The following BGN variants were observed in gnomAD, a reference collection of about 807,000 sequenced individuals.
The protein encoded by BGN is bone/cartilage proteoglycan-I.
Under a neutral mutation model 20.0 loss-of-function variants are expected in BGN, and 6 were observed. The observed-to-expected ratio is 0.30, with a 90% CI of 0.16 to 0.59. BGN has a LOEUF of 0.59. BGN is among the 20% of genes least tolerant of loss of function. BGN has a pLI of 0.88. For missense variants in BGN, 292 were observed against 312.1 expected (o/e 0.94, Z 0.49); for synonymous variants, 146 against 134.6 (o/e 1.08, Z -0.59).
In BGN at chrX:153,504,702, T is replaced by G; in HGVS notation, c.71T>G (p.Phe24Cys). 1 of 1,211,955 alleles carries G rather than the reference T, an allele frequency of 8.3e-7. No homozygotes were observed. The highest frequency in any genetic ancestry group is 1.1e-6 in the Non-Finnish European group (1 of 895,510). ...GCCCTGCCCTTTGAGCAGAGAGGCT[T>G]CTGGGACTTCACCCTGGACGATGGG... ...SQALPFEQRG[F>C]WDFTLDDGPF... The change falls in exon 2 of 8, where the codon TTC (phenylalanine) becomes TGC (cysteine). Residue 24 changes from phenylalanine to cysteine, a missense_variant. Phe to Cys is a radical substitution (Grantham distance 205). Coordinates refer to ENST00000331595, the MANE Select transcript of BGN (RefSeq NM_001711.6).
chrX:153,499,875 AGAGGGGAGGGGAGGAAG>A (rs2089744444), intron 1 of BGN, among the ~76,000 whole-genome samples: 1 of 113,124 alleles, frequency 8.8e-6, no homozygotes, highest in Non-Finnish European at 1.9e-5. Flanking sequence ...TTTGGAGGCC[AGAGGGGAGGGGAGGAAG>A]GACACAGTCC....
At chrX:153,503,798 C>T (rs1181119629) in intron 1 of BGN, among the ~76,000 whole-genome samples, 2 of 106,998 alleles carry the variant, frequency 1.9e-5, no homozygotes, top group East Asian at 3.1e-4. Context: ...TCTGGGCTGC[C>T]GAGGCTGTGG....
At chrX:153,505,839 C>T (rs377534736) in intron 3 of BGN, 24 bp from the exon 4 acceptor site, 16 of 1,192,984 alleles carry the variant, frequency 1.3e-5, no homozygotes, top group African/African-American at 5.3e-5. Context: ...TGTGCCTTCA[C>T]CTCCTCCGCC....
At chrX:153,503,173 A>G (rs782163829) in intron 1 of BGN, among the ~76,000 whole-genome samples, 1 of 112,824 alleles carries the variant, frequency 8.9e-6, no homozygotes, top group Non-Finnish European at 1.9e-5. Flanking sequence ...CCCAGCCCCC[A>G]GGGCAACTGG....
chrX:153,506,568 C>T lies in BGN; in HGVS notation c.605C>T (p.Pro202Leu). ...GNPLENSGFEPGAFDGLKLNY... is the reference protein window; with the variant it reads ...GNPLENSGFELGAFDGLKLNY... Reference sequence around the variant, plus strand: ...CCACTGGAGAACAGTGGCTTTGAACCTGGAGCCTTCGATGGCCTGAAGCTC... The same window carrying T: ...CCACTGGAGAACAGTGGCTTTGAACTTGGAGCCTTCGATGGCCTGAAGCTC... Residue 202 changes from proline to leucine, a missense_variant, in exon 5 of 8, where the codon CCT becomes CTT. Transcript: ENST00000331595. The T allele has an allele frequency of 8.3e-7, 1 of 1,211,421 alleles. No individual in the cohort carries two copies. The highest frequency in any genetic ancestry group is 1.7e-5 in the African/African-American group (1 of 57,678).
At position 153,506,722 on chromosome X, in the gene BGN, C is replaced by G. The variant is rs879994402; in HGVS notation, c.676+83C>G. ...CCAGGGTGGGGGCTCTGGATGGGCC[C>G]GATCTACTCAGGGAAAGGCTCAACA... On this transcript the variant is annotated intron_variant, in intron 5 of 7. Coordinates refer to ENST00000331595, the MANE Select transcript of BGN (RefSeq NM_001711.6). 7 of 1,146,519 alleles carry G rather than the reference C, an allele frequency of 6.1e-6. No individual in the cohort carries two copies. In the African/African-American group the frequency reaches 7.2e-5, roughly 12 times the overall value. The allele number at this position is 1,146,519 out of a possible 1,213,427, so 94.5% of individuals were successfully genotyped here. A position where few individuals can be genotyped will look rare whatever the true frequency, so the allele number is the denominator to read the frequency against.
intron 1 of BGN, among the ~76,000 whole-genome samples, chrX:153,497,392 G>A (rs934139871): frequency 1.8e-5 from 2 of 109,671 alleles, no homozygotes; most frequent in Non-Finnish European, 3.8e-5. Context: ...GGAAGGCAGC[G>A]CAACCCGGGA....
chrX:153,496,625 T>C (rs1556990803), intron 1 of BGN, among the ~76,000 whole-genome samples: 1 of 112,540 alleles, frequency 8.9e-6, no homozygotes, highest in African/African-American at 3.2e-5. Flanking sequence ...CTGGCCTCCC[T>C]GGCCCACCTT....
At chrX:153,505,694 G>A in intron 3 of BGN, among the ~76,000 whole-genome samples, 169 bp from the exon 4 acceptor site, 1 of 111,333 alleles carries the variant, frequency 9.0e-6, no homozygotes, top group East Asian at 2.8e-4. Flanking sequence ...TGGCACTGCT[G>A]GGGCTCAGGA....
intron 1 of BGN, 123 bp from the exon 2 acceptor site, chrX:153,504,498 G>C (rs1021910300): frequency 1.7e-6 from 1 of 585,694 alleles, no homozygotes. Context: ...TCCCGCTCCA[G>C]GGTCTGGCCG....
intron 1 of BGN, among the ~76,000 whole-genome samples, chrX:153,499,708 G>T (rs1301941204): frequency 1.8e-5 from 2 of 113,265 alleles, no homozygotes; most frequent in Admixed American, 1.8e-4. Context: ...GGCCAGGGAG[G>T]GTACACATCC....
chrX:153,506,148 C>A (rs1258979302), intron 4 of BGN, 72 bp downstream of exon 4: 21 of 1,000,912 alleles, frequency 2.1e-5, no homozygotes, highest in Non-Finnish European at 2.9e-5. Context: ...CAAGGGATAC[C>A]TTTAGAGGCT....
chrX:153,502,987 C>T (rs1463569686), intron 1 of BGN, among the ~76,000 whole-genome samples: 3 of 112,476 alleles, frequency 2.7e-5, no homozygotes, highest in Non-Finnish European at 5.7e-5. Context: ...GCAGGGGGGA[C>T]GCGTGCCAGC....
At chrX:153,500,780 CATGTGTGT>C (rs2089752510) in intron 1 of BGN, among the ~76,000 whole-genome samples, 1 of 105,619 alleles carries the variant, frequency 9.5e-6, no homozygotes, top group African/African-American at 3.5e-5. Flanking sequence ...CGTGTGTGTG[CATGTGTGT>C]GCATGTGTGT....
At chrX:153,496,343 G>A (rs995769983) in intron 1 of BGN, among the ~76,000 whole-genome samples, 7 of 112,966 alleles carry the variant, frequency 6.2e-5, no homozygotes, top group East Asian at 2.8e-4. Context: ...CCAGGGGTGC[G>A]GGTGAGCACC....
chrX:153,508,231 G>A lies in BGN; in HGVS notation c.910-17G>A, dbSNP rs200763578. ...GAGGGAGGGAGGCCTGCCGTGACCC[G>A]GCCTCTCTGCCTTCAGGTGGTCTAT... On this transcript the variant is annotated splice_polypyrimidine_tract_variant and intron_variant, in intron 7 of 7. Transcript: ENST00000331595. 39 of 1,208,034 alleles carry A rather than the reference G, an allele frequency of 3.2e-5. No individual in the cohort carries two copies. The African/African-American group carries it at 3.3e-4, about 10-fold the overall frequency.
At chrX:153,506,747 A>G (rs1318278930) in intron 5 of BGN, 83 bp from the exon 6 acceptor site, 33 of 1,144,879 alleles carry the variant, frequency 2.9e-5, no homozygotes, top group Non-Finnish European at 3.9e-5. Context: ...AAGGCTCAAC[A>G]GTCCCCTCCC....
chrX:153,505,806 A>T, intron 3 of BGN, 57 bp from the exon 4 acceptor site: 1 of 773,489 alleles, frequency 1.3e-6, no homozygotes, highest in Non-Finnish European at 1.6e-6. Flanking sequence ...GGCAGGAGAG[A>T]GGGGCGGGTG....
At chrX:153,500,358 G>A (rs1210127074) in intron 1 of BGN, among the ~76,000 whole-genome samples, 1 of 112,038 alleles carries the variant, frequency 8.9e-6, no homozygotes, top group Admixed American at 9.4e-5. Context: ...TATCCAGGGA[G>A]CTCAGGGCAC....
Sources: gnomAD v4.1 joint callset for allele counts (sites outside exome capture counted in the v4.1 genomes callset) on GRCh38, gnomAD v4.1.1 for gene constraint, MANE v1.5 for transcripts, NCBI Gene and HGNC (gene_info 2026-07-23, HGNC 2026-07-21) for gene names.